Variants in PEX7 observed in about 807,000 individuals in gnomAD.
PEX7 encodes the protein PTS2 receptor.
In PEX7, 34 loss-of-function variants were observed where a neutral mutation model predicts 47.5. That is an observed-to-expected ratio of 0.72 (90% CI 0.54 to 0.95). The LOEUF (loss-of-function observed/expected upper bound fraction) is 0.95. Among genes scored for constraint, PEX7 ranks in the 40% least tolerant of loss-of-function variants. The pLI is 0.00. For missense variants in PEX7, 394 were observed against 400.3 expected (o/e 0.98, Z 0.13); for synonymous variants, 141 against 148.8 (o/e 0.95, Z 0.38).
chr6:136,910,281 T>G (rs992370354), intron 9 of PEX7, among the ~76,000 whole-genome samples: 2 of 152,142 alleles, frequency 1.3e-5, no homozygotes, highest in African/African-American at 4.8e-5. Context: ...CTCTTTGTCT[T>G]CAGTTGGGAA....
At chr6:136,869,517 G>A (rs1173387661) in intron 6 of PEX7, among the ~76,000 whole-genome samples, 1 of 152,104 alleles carries the variant, frequency 6.6e-6, no homozygotes, top group Non-Finnish European at 1.5e-5. Context: ...GAATTCCAGG[G>A]AAAACCTTTT....
chr6:136,861,374 T>C (rs1774961364), intron 5 of PEX7, among the ~76,000 whole-genome samples: 1 of 152,200 alleles, frequency 6.6e-6, no homozygotes, highest in Non-Finnish European at 1.5e-5. Context: ...TGAGCCACCA[T>C]GCCTGACCTG....
intron 7 of PEX7, chr6:136,870,697 A>T (rs1215210219): frequency 7.7e-6 from 3 of 388,362 alleles, no homozygotes; most frequent in Admixed American, 6.0e-5. Context: ...CCTACTATTT[A>T]AAAAATTCTA....
Position 136,826,345 on chromosome 6 carries a change from A to T in PEX7, c.215A>T (p.Asp72Val). Residue 72 changes from aspartate (D) to valine (V), a missense_variant, in exon 3 of 10, where the codon GAT (aspartate) becomes GTT (valine). Coordinates refer to ENST00000318471, the MANE Select transcript of PEX7 (RefSeq NM_000288.4). ...RSFDWNDGLFDVTWSENNEHV... is the reference protein window; with the variant it reads ...RSFDWNDGLFVVTWSENNEHV... ...TTTGACTGGAATGATGGTTTGTTTG[A>T]TGTGACTTGGAGTGAGAACAACGAA... 1 of 1,613,928 alleles carries T rather than the reference A, an allele frequency of 6.2e-7. No homozygotes were observed. Among genetic ancestry groups the T allele is most frequent in the South Asian group, 1.1e-5 (1 of 91,058 alleles).
intron 3 of PEX7, among the ~76,000 whole-genome samples, chr6:136,837,776 G>A (rs1485008687): frequency 6.6e-6 from 1 of 150,772 alleles, no homozygotes; most frequent in Non-Finnish European, 1.5e-5. Context: ...GAGACTATTG[G>A]AACAACCAAA....
intron 6 of PEX7, among the ~76,000 whole-genome samples, chr6:136,868,161 C>G (rs1007989504): frequency 1.3e-5 from 2 of 152,158 alleles, no homozygotes; most frequent in African/African-American, 4.8e-5. Flanking sequence ...TTTCATCTAG[C>G]CTGGGTGTGT....
intron 8 of PEX7, among the ~76,000 whole-genome samples, chr6:136,877,932 A>G (rs1212237701): frequency 2.0e-5 from 3 of 152,196 alleles, no homozygotes; most frequent in Admixed American, 1.3e-4. Flanking sequence ...CTTCCTATCC[A>G]TGAGCATGGA....
In PEX7 at chr6:136,855,039, G is replaced by A. The variant is rs150468442; in HGVS notation, c.526+8858G>A. Among the ~76,000 whole-genome samples, 484 of 151,358 alleles carry A rather than the reference G, an allele frequency of 3.2e-3. 2 individuals are homozygous for A. Among genetic ancestry groups the A allele is most frequent in the Admixed American group, 7.8e-3 (118 of 15,192 alleles). ...GGAAGTGGAGATTGCAGTGAGCCGA[G>A]ATAGCGCCACCGTACCCCAGCCTGG... On this transcript the variant is annotated intron_variant, in intron 5 of 9. Transcript: ENST00000318471.
intron 5 of PEX7, among the ~76,000 whole-genome samples, chr6:136,853,161 C>T (rs537682597): frequency 5.3e-5 from 8 of 152,238 alleles, no homozygotes; most frequent in South Asian, 4.1e-4. Context: ...CAGCTACGCC[C>T]GTTTATTAAC....
At position 136,866,608 on chromosome 6, in the gene PEX7, A is replaced by C. The variant is rs749455977; in HGVS notation, c.527-19A>C. On this transcript the variant is annotated intron_variant, in intron 5 of 9. Coordinates refer to ENST00000318471, the MANE Select transcript of PEX7 (RefSeq NM_000288.4). ...TCAAGTGGTGTGATGGGAAATGATC[A>C]AGTCTTCCTTTTTACTAGGTGATCA... The C allele has an allele frequency of 6.3e-7, 1 of 1,598,286 alleles. No homozygotes were observed. Among genetic ancestry groups the C allele is most frequent in the Non-Finnish European group, 8.6e-7 (1 of 1,165,712 alleles).
chr6:136,864,523 G>A (rs1426109799), intron 5 of PEX7, among the ~76,000 whole-genome samples: 1 of 152,094 alleles, frequency 6.6e-6, no homozygotes, highest in Non-Finnish European at 1.5e-5. Flanking sequence ...GAACTCCAAA[G>A]GCCCTGTTCT....
intron 8 of PEX7, among the ~76,000 whole-genome samples, chr6:136,874,980 A>G (rs899781327): frequency 2.0e-5 from 3 of 152,020 alleles, no homozygotes; most frequent in African/African-American, 7.2e-5. Flanking sequence ...TCTCTACTAA[A>G]AATACAAAAT....
At chr6:136,834,746 G>A (rs1012386471) in intron 3 of PEX7, among the ~76,000 whole-genome samples, 3 of 152,162 alleles carry the variant, frequency 2.0e-5, no homozygotes, top group Non-Finnish European at 4.4e-5. Context: ...GATGGATTGT[G>A]TAGATTTTGG....
chr6:136,822,632 G>A lies in PEX7; in HGVS notation c.-34G>A, dbSNP rs1398679784. ...CCTCCGACTCGGAACGGCTTCCGCG[G>A]CCGGGGCAGCGAGGGCCGGGGGCGG... On this transcript the variant is annotated 5_prime_UTR_variant, in exon 1 of 10. Coordinates refer to ENST00000318471, the MANE Select transcript of PEX7 (RefSeq NM_000288.4). 3 of 1,521,312 alleles carry A rather than the reference G, an allele frequency of 2.0e-6. No homozygotes were observed. The highest frequency in any genetic ancestry group is 2.6e-6 in the Non-Finnish European group (3 of 1,137,620). 94.2% of individuals were successfully genotyped at this position (1,521,312 alleles called of 1,614,324 possible).
intron 8 of PEX7, among the ~76,000 whole-genome samples, chr6:136,893,871 G>A (rs1775599091): frequency 6.6e-6 from 1 of 152,168 alleles, no homozygotes; most frequent in South Asian, 2.1e-4. Context: ...GTACAGAAAA[G>A]GAAAAGAAAG....
intron 8 of PEX7, among the ~76,000 whole-genome samples, chr6:136,894,575 G>A (rs2115267621): frequency 6.6e-6 from 1 of 152,312 alleles, no homozygotes; most frequent in Non-Finnish European, 1.5e-5. Context: ...GGGCGACAGA[G>A]TGAGACTCCA....
chr6:136,886,079 G>A (rs1775463459), intron 8 of PEX7, among the ~76,000 whole-genome samples: 1 of 152,198 alleles, frequency 6.6e-6, no homozygotes, highest in South Asian at 2.1e-4. Context: ...CCTTGGGCTT[G>A]AGGCCATTTC....
In PEX7 at chr6:136,901,313, A is replaced by C. The variant is rs893901086; in HGVS notation, c.903+3072A>C. ...TACTGTGTAATGAACAACTTCCAGG[A>C]CTTAGTGGCGTAAAACAACAATTTT... On this transcript the variant is annotated intron_variant, in intron 9 of 9. Transcript: ENST00000318471. 3 of 152,234 alleles carry C rather than the reference A, an allele frequency of 2.0e-5. No homozygotes were observed. In the East Asian group the frequency reaches 5.8e-4, roughly 29 times the overall value. 9.4% of individuals were successfully genotyped at this position (152,234 alleles called of 1,614,324 possible). A position where few individuals can be genotyped will look rare whatever the true frequency, so the allele number is the denominator to read the frequency against.
chr6:136,894,976 G>C (rs1347560698), intron 8 of PEX7, among the ~76,000 whole-genome samples: 1 of 152,172 alleles, frequency 6.6e-6, no homozygotes, highest in Non-Finnish European at 1.5e-5. Context: ...TTACTTACGC[G>C]ATAGATGCAT....
Sources: allele counts gnomAD v4.1 joint callset (sites outside exome capture counted in the v4.1 genomes callset), GRCh38; gene constraint gnomAD v4.1.1; transcripts MANE v1.5; gene names NCBI Gene and HGNC (gene_info 2026-07-23, HGNC 2026-07-21).